Variants in ASPG observed in about 807,000 individuals in gnomAD.
ASPG encodes the protein asparaginase.
Under a neutral mutation model 63.2 loss-of-function variants are expected in ASPG, and 53 were observed. The observed-to-expected ratio is 0.84, with a 90% confidence interval of 0.67 to 1.05. ASPG has a LOEUF of 1.05. Ranked by LOEUF, ASPG falls within the 50% of genes least tolerant of loss-of-function variation. The pLI, the probability that ASPG is intolerant of heterozygous loss-of-function variation, is 0.00. For synonymous variants in ASPG, 370 were observed against 355.0 expected (o/e 1.04, Z -0.48); for missense variants, 741 against 794.4 (o/e 0.93, Z 0.81).
intron 15 of ASPG, 24 bp from the exon 16 acceptor site, chr14:104,112,500 T>C: frequency 7.6e-7 from 1 of 1,313,720 alleles, no homozygotes; most frequent in Non-Finnish European, 1.1e-6. Context: ...TGGGTGTCCT[T>C]CTCAGGAGCC....
chr14:104,095,009 G>C (rs922637175), intron 3 of ASPG, among the ~76,000 whole-genome samples: 1 of 152,180 alleles, frequency 6.6e-6, no homozygotes, highest in Admixed American at 6.5e-5. Context: ...GCCGGAGGAC[G>C]TCCCTGCATG....
At chr14:104,089,629 C>T (rs1411107936) in intron 1 of ASPG, among the ~76,000 whole-genome samples, 1 of 152,160 alleles carries the variant, frequency 6.6e-6, no homozygotes, top group Non-Finnish European at 1.5e-5. Flanking sequence ...AAGTGGTCCA[C>T]TCGCAGGTTG....
At chr14:104,108,539 A>G (rs1328417831) in intron 12 of ASPG, 6 of 985,138 alleles carry the variant, frequency 6.1e-6, no homozygotes, top group Non-Finnish European at 7.2e-6. Context: ...GGCTCCCTAA[A>G]TGGGGTGATG....
intron 7 of ASPG, 79 bp downstream of exon 7, chr14:104,103,754 T>C (rs1596096063): frequency 1.6e-6 from 2 of 1,274,306 alleles, no homozygotes; most frequent in Admixed American, 2.1e-5. Context: ...TCAGGCTCCC[T>C]GGGGCCCTCA....
rs1437177717 is a variant in ASPG at position 104,085,705 on chromosome 14, C to G, written c.-66C>G. The G allele has an allele frequency of 1.4e-6, 2 of 1,395,120 alleles. No individual in the cohort carries two copies. Among genetic ancestry groups the G allele is most frequent in the Non-Finnish European group, 1.9e-6 (2 of 1,069,570 alleles). The allele number at this position is 1,395,120 out of a possible 1,614,324, so 86.4% of individuals were successfully genotyped here. A position where few individuals can be genotyped will look rare whatever the true frequency, so the allele number is the denominator to read the frequency against. On this transcript the variant is annotated 5_prime_UTR_variant, in exon 1 of 16. Coordinates refer to ENST00000551177, the MANE Select transcript of ASPG (RefSeq NM_001080464.3). ...GCCCCGGGCCTCCTCCGCGCAGTCC[C>G]TGAGTCCCGCAGGCCCTGCGTCCCC...
At position 104,109,123 on chromosome 14, in the gene ASPG, G is replaced by A. The variant is rs1021096452; in HGVS notation, c.1434-106G>A. On this transcript the variant is annotated intron_variant, in intron 12 of 15. Transcript: ENST00000551177. This position sits in a 1 kb window ranked among gnomAD's most constrained non-coding sequence, Gnocchi z 4.8. ...AGGGCTGTGGGGTCTTGGGCCGGCC[G>A]GTCCCCGTCCCTGTGCACAGGACAT... 30 of 1,532,868 alleles carry A rather than the reference G, an allele frequency of 2.0e-5. No individual in the cohort carries two copies. Among genetic ancestry groups the A allele is most frequent in the East Asian group, 2.4e-5 (1 of 41,074 alleles). The allele number at this position is 1,532,868 out of a possible 1,614,324, so 95.0% of individuals were successfully genotyped here.
intron 2 of ASPG, chr14:104,092,956 C>T: frequency 5.2e-6 from 3 of 572,796 alleles, no homozygotes; most frequent in Non-Finnish European, 9.4e-6. Context: ...CACCTTCCCT[C>T]CCCACCCTCC....
intron 12 of ASPG, chr14:104,108,736 C>G: frequency 3.0e-6 from 3 of 985,430 alleles, no homozygotes; most frequent in Non-Finnish European, 3.6e-6. Context: ...CCCACTCCTA[C>G]CCAAGGGCAG....
intron 6 of ASPG, among the ~76,000 whole-genome samples, chr14:104,099,504 G>A (rs2036776364): frequency 6.6e-6 from 1 of 152,192 alleles, no homozygotes; most frequent in Non-Finnish European, 1.5e-5. Context: ...TGTTCTCAGA[G>A]ACTGGTGCCC....
intron 13 of ASPG, chr14:104,111,108 G>C (rs763227972): frequency 6.1e-6 from 6 of 985,256 alleles, no homozygotes; most frequent in Non-Finnish European, 4.8e-6. Context: ...TGGGCTGCTC[G>C]GCAGGTGGGC....
intron 3 of ASPG, among the ~76,000 whole-genome samples, chr14:104,094,186 A>G (rs2036493367): frequency 1.3e-5 from 2 of 152,124 alleles, no homozygotes; most frequent in South Asian, 4.1e-4. Flanking sequence ...TCGACTTCCC[A>G]GATGAGGACA....
rs2036744860 is a variant in ASPG, at chr14:104,098,867, C to T, written c.528C>T (p.Phe176=). 1.2e-6 allele frequency: 2 copies of T among 1,612,926 alleles called. No homozygotes were observed. Among genetic ancestry groups the T allele is most frequent in the African/African-American group, 1.3e-5 (1 of 74,948 alleles). The change falls in exon 6 of 16, where the codon TTC becomes TTT. Residue 176 remains phenylalanine (F), a synonymous_variant. Transcript: ENST00000551177. The part of the protein sequence containing the change: ...QYVIPEVCLF[F]QNQLFRGNRA... ...CGTTCCCGCAGGTCTGCCTTTTCTT[C>T]CAGAATCAGCTGTTTCGGGGCAACC...
intron 4 of ASPG, among the ~76,000 whole-genome samples, chr14:104,097,211 C>A (rs1157926056): frequency 6.6e-6 from 1 of 152,118 alleles, no homozygotes; most frequent in Non-Finnish European, 1.5e-5. Flanking sequence ...GTAGAGGGAG[C>A]TGGTGGGTGG....
intron 5 of ASPG, among the ~76,000 whole-genome samples, chr14:104,098,008 G>A (rs111615874): frequency 0.017 from 957 of 54,730 alleles, 13 homozygotes; most frequent in East Asian, 0.11. Flanking sequence ...CGTTAGAGAT[G>A]CGTATGGAGG....
chr14:104,097,577 CGACGGCCG>C lies in ASPG; in HGVS notation c.454_461del (p.Asp152Ter). On this transcript the variant is annotated frameshift_variant, in exon 5 of 16. Transcript: ENST00000551177. LOFTEE classifies it high-confidence loss of function. ...AGGTGCCCATCCATGCCCTGTGGAG[CGACGGCCG>C]TGAGAACCTGCTGGGGGCACTGCTC... The C allele has an allele frequency of 1.3e-6, 2 of 1,557,722 alleles. No individual in the cohort carries two copies. The highest frequency in any genetic ancestry group is 1.7e-6 in the Non-Finnish European group (2 of 1,151,262).
At chr14:104,096,402 C>T (rs1431500965) in intron 4 of ASPG, among the ~76,000 whole-genome samples, 4 of 152,140 alleles carry the variant, frequency 2.6e-5, no homozygotes, top group Admixed American at 6.5e-5. Flanking sequence ...AGGAGGTCTG[C>T]GGGGAGCAGT....
At chr14:104,111,699 C>A in intron 14 of ASPG, 98 bp downstream of exon 14, 1 of 1,024,510 alleles carries the variant, frequency 9.8e-7, no homozygotes, top group Non-Finnish European at 1.4e-6. Flanking sequence ...CCTCCCCGCT[C>A]TGCCCCTCCC....
rs1465512637 is a variant in ASPG at position 104,114,986 on chromosome 14, C to CT, written c.*2443dup. ...GGTGCCCAGTGCCCGTGGGACCCGCCTCCCCACAGTGGGGTGGCGCCGCTC... is the reference window on the plus strand; with the variant it reads ...GGTGCCCAGTGCCCGTGGGACCCGCCTTCCCCACAGTGGGGTGGCGCCGCTC... On this transcript the variant is annotated 3_prime_UTR_variant, in exon 16 of 16. Transcript: ENST00000551177. 6.6e-6 allele frequency: 1 copy of CT among 152,130 alleles called. No individual in the cohort carries two copies. Among genetic ancestry groups the CT allele is most frequent in the Non-Finnish European group, 1.5e-5 (1 of 68,022 alleles). 9.4% of individuals were successfully genotyped at this position (152,130 alleles called of 1,614,324 possible). A position where few individuals can be genotyped will look rare whatever the true frequency, so the allele number is the denominator to read the frequency against.
chr14:104,098,499 C>T (rs2141010096), intron 5 of ASPG, among the ~76,000 whole-genome samples: 1 of 152,302 alleles, frequency 6.6e-6, no homozygotes, highest in East Asian at 1.9e-4. Context: ...GCTCGCTGCA[C>T]CTTTGGGATG....
Sources: gnomAD v4.1 joint callset for allele counts (sites outside exome capture counted in the v4.1 genomes callset) on GRCh38, gnomAD v4.1.1 for gene constraint, Gnocchi (gnomAD v3.1) non-coding constraint, MANE v1.5 for transcripts, NCBI Gene and HGNC (gene_info 2026-07-23, HGNC 2026-07-21) for gene names.